DMD: variants seen among roughly 807,000 people sequenced by gnomAD.
DMD encodes dystrophin.
DMD carries 63 observed loss-of-function variants against 330.1 expected under a neutral mutation model. That is an observed-to-expected ratio of 0.19 (90% CI 0.16 to 0.24). DMD has a LOEUF of 0.24. Ranked by LOEUF, DMD falls within the 10% of genes least tolerant of loss-of-function variation. The probability of loss-of-function intolerance (pLI) is 1.00; values close to 1 mark genes in which losing one functional copy is unlikely to be tolerated. For synonymous variants in DMD, 1,223 were observed against 959.8 expected, an observed-to-expected ratio of 1.27 and a Z score of -5.07; for missense variants, 3,344 against 2,684.1, an observed-to-expected ratio of 1.25 and a Z score of -5.43.
chrX:32,708,815 T>A (rs2064923793), intron 7 of DMD, among the ~76,000 whole-genome samples: 1 of 111,692 alleles, frequency 9.0e-6, no homozygotes, highest in South Asian at 3.8e-4. Context: ...GGTGGTATCA[T>A]ATGTCATACG....
intron 25 of DMD, among the ~76,000 whole-genome samples, chrX:32,455,340 A>G (rs2098352667): frequency 9.0e-6 from 1 of 111,568 alleles, no homozygotes; most frequent in Non-Finnish European, 1.9e-5. Flanking sequence ...ATATATGGCA[A>G]TACATGTATA....
chrX:31,758,873 C>T (rs1297004793), intron 51 of DMD, among the ~76,000 whole-genome samples: 1 of 111,796 alleles, frequency 8.9e-6, no homozygotes, highest in African/African-American at 3.2e-5. Flanking sequence ...GTTGGCATAA[C>T]CATCAAAGGG....
chrX:32,958,866 C>T lies in DMD; in HGVS notation c.93+61273G>A, dbSNP rs183673314. Among the ~76,000 whole-genome samples the T allele has an allele frequency of 3.4e-4, 37 of 110,288 alleles. No homozygotes were observed. The Middle Eastern group carries it at 0.014, about 43-fold the overall frequency. On this transcript the variant is annotated intron_variant, in intron 2 of 78. Coordinates refer to ENST00000357033, the MANE Select transcript of DMD (RefSeq NM_004006.3). ...TTACGATTGCAATATACATTATTAC[C>T]AACCTGCTATTTAGGAGAAAAAACA... is the stretch of plus-strand genomic sequence containing the variant.
intron 7 of DMD, among the ~76,000 whole-genome samples, chrX:32,808,515 G>T (rs1174434330): frequency 9.0e-6 from 1 of 111,570 alleles, no homozygotes; most frequent in African/African-American, 3.3e-5. Flanking sequence ...TTCTGCGTCT[G>T]CAAAACTGAG....
In DMD at chrX:31,479,072, G is replaced by A. The variant is rs72466569; in HGVS notation, c.8579C>T (p.Pro2860Leu). Residue 2860 changes from proline (P) to leucine (L), a missense_variant, in exon 58 of 79, where the codon CCT (proline) becomes CTT (leucine). Transcript: ENST00000357033. The stretch of plus-strand genomic sequence containing the variant: ...AGTCTCAAGAGTACTCATGATTACA[G>A]GTTCTTTAGTTTTCAATTCCCTCTT... Reference protein sequence around the residue: ...AFKRELKTKEPVIMSTLETVR... With the variant: ...AFKRELKTKELVIMSTLETVR... 8.3e-7 allele frequency: 1 copy of A among 1,209,469 alleles called. No individual in the cohort carries two copies. The highest frequency in any genetic ancestry group is 1.1e-6 in the Non-Finnish European group (1 of 893,722).
chrX:33,312,118 T>A (rs1436371646), intron 1 of DMD, among the ~76,000 whole-genome samples: 3 of 110,537 alleles, frequency 2.7e-5, no homozygotes, highest in Non-Finnish European at 5.7e-5. Flanking sequence ...GGTGGTACAA[T>A]TTTTTATACA....
Position 31,956,491 on chromosome X carries a change from A to G in DMD, c.6614+11848T>C, listed in dbSNP as rs778624271. ...GCAGGTAAAGCAAGGAGTGTCATCA[A>G]TATAGTAAGGAATTACATAGAGAGG... On this transcript the variant is annotated intron_variant, in intron 45 of 78. Transcript: ENST00000357033. Among the ~76,000 whole-genome samples the G allele has an allele frequency of 3.6e-5, 4 of 111,781 alleles. No individual in the cohort carries two copies. In the South Asian group the frequency reaches 1.5e-3, roughly 43 times the overall value.
chrX:33,143,501 A>G (rs1003472152), intron 1 of DMD, among the ~76,000 whole-genome samples: 16 of 111,604 alleles, frequency 1.4e-4, no homozygotes, highest in Non-Finnish European at 2.6e-4. Context: ...GTAGCATTAT[A>G]TTATGTTCCT....
intron 34 of DMD, among the ~76,000 whole-genome samples, chrX:32,373,866 T>G (rs1162884383): frequency 8.9e-6 from 1 of 111,990 alleles, no homozygotes; most frequent in Non-Finnish European, 1.9e-5. Flanking sequence ...ACATTAATCC[T>G]CATATTGAGG....
rs777170212 is a variant in DMD at position 32,424,960 on chromosome X, A to G, written c.4072-13047T>C. 8.0e-5 allele frequency among the ~76,000 whole-genome samples: 9 copies of G among 111,825 alleles called. No homozygotes were observed. The East Asian group carries it at 2.5e-3, about 32-fold the overall frequency. Reference sequence around the variant, plus strand: ...TGGAGATGCTAATCAAAGATAACGCAAAGAAAAATCCCTTCGCTTTTGATT... The same window carrying G: ...TGGAGATGCTAATCAAAGATAACGCGAAGAAAAATCCCTTCGCTTTTGATT... On this transcript the variant is annotated intron_variant, in intron 29 of 78. Coordinates refer to ENST00000357033, the MANE Select transcript of DMD (RefSeq NM_004006.3).
At chrX:32,948,057 C>T (rs1416208241) in intron 2 of DMD, among the ~76,000 whole-genome samples, 4 of 109,975 alleles carry the variant, frequency 3.6e-5, no homozygotes, top group African/African-American at 1.3e-4. Flanking sequence ...TTCTACTAGA[C>T]TTGTCACCTT....
At chrX:32,429,757 T>G (rs1327426913) in intron 29 of DMD, among the ~76,000 whole-genome samples, 1 of 110,057 alleles carries the variant, frequency 9.1e-6, no homozygotes, top group African/African-American at 3.3e-5. Flanking sequence ...TCTACCCTCT[T>G]TCTAAATAAA....
intron 56 of DMD, among the ~76,000 whole-genome samples, chrX:31,501,698 C>G (rs1328198725): frequency 8.9e-6 from 1 of 111,836 alleles, no homozygotes; most frequent in Non-Finnish European, 1.9e-5. Context: ...TGGTTAATGC[C>G]TAGTTTGAAA....
intron 5 of DMD, among the ~76,000 whole-genome samples, chrX:32,817,378 T>C (rs898521264): frequency 1.8e-5 from 2 of 112,194 alleles, no homozygotes; most frequent in Admixed American, 9.5e-5. Flanking sequence ...GATTGTCTCA[T>C]AGGCTTCGTG....
At chrX:32,556,259 A>G (rs952967171) in intron 16 of DMD, among the ~76,000 whole-genome samples, 15 of 112,045 alleles carry the variant, frequency 1.3e-4, no homozygotes, top group African/African-American at 4.5e-4. Flanking sequence ...CAAAACCACA[A>G]TGAGATAACA....
Sources: allele counts gnomAD v4.1 joint callset (sites outside exome capture counted in the v4.1 genomes callset), GRCh38; gene constraint gnomAD v4.1.1; transcripts MANE v1.5; gene names NCBI Gene and HGNC (gene_info 2026-07-23, HGNC 2026-07-21).